The following TUBGCP4 variants were observed in gnomAD, a reference collection of about 807,000 sequenced individuals.
TUBGCP4 encodes the protein tubulin gamma complex component 4.
In TUBGCP4, 54 loss-of-function variants were observed where a neutral mutation model predicts 91.6. The ratio of observed to expected loss-of-function variants is 0.59; its 90% confidence interval spans 0.47 to 0.74. The LOEUF is 0.74. Ranked by LOEUF, TUBGCP4 falls within the 30% of genes least tolerant of loss-of-function variation. The pLI is 0.00. For synonymous variants in TUBGCP4, 297 were observed against 302.8 expected, an observed-to-expected ratio of 0.98 and a Z score of 0.20; for missense variants, 593 against 800.9, an observed-to-expected ratio of 0.74 and a Z score of 3.13.
rs761269848 is a variant in TUBGCP4, at chr15:43,400,171, C to G, written c.1546C>G (p.Leu516Val). The part of the protein sequence containing the change: ...SNQTDAIKWR[L>V]RNHMAFLVDN... ...CCAGACTGATGCAATCAAGTGGCGC[C>G]TAAGAAATCACATGGCATTTTTGGT... Residue 516 changes from leucine to valine, a missense_variant, in exon 14 of 18, where the codon CTA becomes GTA. Coordinates refer to ENST00000564079, the MANE Select transcript of TUBGCP4 (RefSeq NM_014444.5). The G allele has an allele frequency of 6.2e-7, 1 of 1,614,118 alleles. No individual in the cohort carries two copies. The highest frequency in any genetic ancestry group is 1.1e-5 in the South Asian group (1 of 91,076).
At chr15:43,397,583 C>T (rs1384590555) in intron 12 of TUBGCP4, among the ~76,000 whole-genome samples, 1 of 151,920 alleles carries the variant, frequency 6.6e-6, no homozygotes, top group Non-Finnish European at 1.5e-5. Context: ...TGTTTATTTC[C>T]AGCCCCCAGA....
intron 13 of TUBGCP4, chr15:43,399,122 T>C: frequency 1.6e-6 from 2 of 1,279,004 alleles, no homozygotes; most frequent in Non-Finnish European, 2.0e-6. Flanking sequence ...AAATAGACAA[T>C]TTTAAAAACC....
intron 6 of TUBGCP4, among the ~76,000 whole-genome samples, chr15:43,382,231 AAAAAAGAAAAAT>A (rs2044295692): frequency 8.0e-6 from 1 of 124,798 alleles, no homozygotes; most frequent in Admixed American, 7.5e-5. Context: ...AGAAAAAAGA[AAAAAAGAAAAAT>A]AAAAGAAAAA....
intron 6 of TUBGCP4, among the ~76,000 whole-genome samples, 155 bp downstream of exon 6, chr15:43,380,318 CCTT>C (rs2044268717): frequency 6.6e-6 from 1 of 152,202 alleles, no homozygotes; most frequent in Non-Finnish European, 1.5e-5. Context: ...GCCCATGTAA[CCTT>C]TATTATGGCT....
chr15:43,397,866 C>T (rs568370254), intron 12 of TUBGCP4, among the ~76,000 whole-genome samples, 175 bp from the exon 13 acceptor site: 1 of 152,306 alleles, frequency 6.6e-6, no homozygotes, highest in Non-Finnish European at 1.5e-5. Flanking sequence ...TGCGTGCCAC[C>T]ATGCCCAGCT....
rs2044836009 is a variant in TUBGCP4 at position 43,405,410 on chromosome 15, C to T, written c.*196C>T. 1 of 618,886 alleles carries T rather than the reference C, an allele frequency of 1.6e-6. No homozygotes were observed. Among genetic ancestry groups the T allele is most frequent in the Non-Finnish European group, 2.9e-6 (1 of 349,428 alleles). The allele number at this position is 618,886 out of a possible 1,614,324, so 38.3% of individuals were successfully genotyped here. ...ATCATTCCCATGTGGAAGGGTCTCT[C>T]CCATCAAGGAGAACATGTGGCATCT... On this transcript the variant is annotated 3_prime_UTR_variant, in exon 18 of 18. Transcript: ENST00000564079.
chr15:43,388,146 C>T (rs1391067570), intron 9 of TUBGCP4, among the ~76,000 whole-genome samples: 2 of 152,146 alleles, frequency 1.3e-5, no homozygotes, highest in African/African-American at 2.4e-5. Context: ...CCACCACGCC[C>T]GGCAGGTACT....
Position 43,406,159 on chromosome 15 carries a change from T to TTA in TUBGCP4, c.*946_*947dup. ...AAGATTGCAGGCCCAATTACCCATC[T>TTA]TACACAAACCATAGGGGTTGAAGTT... is the stretch of plus-strand genomic sequence containing the variant. On this transcript the variant is annotated 3_prime_UTR_variant, in exon 18 of 18. Coordinates refer to ENST00000564079, the MANE Select transcript of TUBGCP4 (RefSeq NM_014444.5). The TTA allele has an allele frequency of 6.6e-6, 1 of 152,552 alleles. No individual in the cohort carries two copies. The highest frequency in any genetic ancestry group is 1.5e-5 in the Non-Finnish European group (1 of 68,350). 9.4% of individuals were successfully genotyped at this position (152,552 alleles called of 1,614,324 possible).
At chr15:43,404,288 A>C (rs2044780741) in intron 16 of TUBGCP4, 125 bp from the exon 17 acceptor site, 1 of 1,129,000 alleles carries the variant, frequency 8.9e-7, no homozygotes, top group Admixed American at 2.7e-5. Flanking sequence ...GAATGTGGGA[A>C]GGCCAGGTGG....
At chr15:43,385,242 C>T (rs565495926) in intron 7 of TUBGCP4, 2 of 396,748 alleles carry the variant, frequency 5.0e-6, no homozygotes, top group African/African-American at 2.1e-5. Context: ...ATCTGGGGCC[C>T]TTGGGTGGCT....
intron 9 of TUBGCP4, among the ~76,000 whole-genome samples, chr15:43,392,075 TACAC>T (rs3986231): frequency 0.065 from 8,646 of 133,030 alleles, 305 homozygotes; most frequent in Middle Eastern, 0.098. Flanking sequence ...AAAATAGAGA[TACAC>T]ACACACACAC....
Position 43,407,539 on chromosome 15 carries a change from C to T in TUBGCP4, c.*2325C>T. On this transcript the variant is annotated 3_prime_UTR_variant, in exon 18 of 18. Coordinates refer to ENST00000564079, the MANE Select transcript of TUBGCP4 (RefSeq NM_014444.5). ...CCGAGGCTGGGCATGAGGGGTCCGT[C>T]ACCACCACATCAAATACCCCTAAAG... is the stretch of plus-strand genomic sequence containing the variant. 1 of 1,614,094 alleles carries T rather than the reference C, an allele frequency of 6.2e-7. No individual in the cohort carries two copies. The highest frequency in any genetic ancestry group is 8.5e-7 in the Non-Finnish European group (1 of 1,179,986).
At chr15:43,400,356 C>T in intron 14 of TUBGCP4, 135 bp downstream of exon 14, 1 of 564,920 alleles carries the variant, frequency 1.8e-6, no homozygotes, top group Non-Finnish European at 3.0e-6. Flanking sequence ...AGTTATATCA[C>T]CAAGCATGTT....
At chr15:43,395,067 G>C in intron 9 of TUBGCP4, 40 bp from the exon 10 acceptor site, 1 of 1,608,902 alleles carries the variant, frequency 6.2e-7, no homozygotes. Context: ...AGTTCTCACT[G>C]TAATGAAATT....
At chr15:43,390,675 A>T (rs1410258081) in intron 9 of TUBGCP4, among the ~76,000 whole-genome samples, 2 of 151,740 alleles carry the variant, frequency 1.3e-5, no homozygotes, top group East Asian at 3.9e-4. Context: ...CGCCCAGCTA[A>T]TTTTTGTATT....
At position 43,406,444 on chromosome 15, in the gene TUBGCP4, GCTGT is replaced by G. The variant is rs912247871; in HGVS notation, c.*1235_*1238del. 26 of 349,802 alleles carry G rather than the reference GCTGT, an allele frequency of 7.4e-5. No homozygotes were observed. Among genetic ancestry groups the G allele is most frequent in the African/African-American group, 2.8e-4 (13 of 46,812 alleles). The allele number at this position is 349,802 out of a possible 1,614,324, so 21.7% of individuals were successfully genotyped here. ...AGCAGGAGCTGGCAAACTATGGCCT[GCTGT>G]CTGTTTTTGTACAGTTTTACTGAAA... On this transcript the variant is annotated 3_prime_UTR_variant, in exon 18 of 18. Transcript: ENST00000564079.
In TUBGCP4 at chr15:43,371,711, G is replaced by A. The variant is rs1417096491; in HGVS notation, c.78+279G>A. On this transcript the variant is annotated intron_variant, in intron 1 of 17. Coordinates refer to ENST00000564079, the MANE Select transcript of TUBGCP4 (RefSeq NM_014444.5). ...GTCCAGGTGTCTGACAGTTGCTGGG[G>A]AATGATATAGAAGTGTGGGAGGCAC... 9.2e-5 allele frequency among the ~76,000 whole-genome samples: 14 copies of A among 152,176 alleles called. 1 individual carries two copies. The highest frequency in any genetic ancestry group is 1.5e-5 in the Non-Finnish European group (1 of 68,022).
At chr15:43,377,970 T>G in intron 5 of TUBGCP4, 67 bp downstream of exon 5, 1 of 1,300,696 alleles carries the variant, frequency 7.7e-7, no homozygotes, top group East Asian at 2.5e-5. Flanking sequence ...TAATTTTGCT[T>G]TACATTATTT....
intron 9 of TUBGCP4, among the ~76,000 whole-genome samples, chr15:43,386,725 C>CAAAAAA (rs10718458): frequency 6.0e-5 from 4 of 67,010 alleles, no homozygotes; most frequent in Non-Finnish European, 5.8e-5. Context: ...ACTCTGTCTC[C>CAAAAAA]AAAAAAAAAA....
Sources: gnomAD v4.1 joint callset for allele counts (sites outside exome capture counted in the v4.1 genomes callset) on GRCh38, gnomAD v4.1.1 for gene constraint, MANE v1.5 for transcripts, NCBI Gene and HGNC (gene_info 2026-07-23, HGNC 2026-07-21) for gene names.